INTS3: variants seen among roughly 807,000 people sequenced by gnomAD.
INTS3 encodes the protein SOSS complex subunit A.
In INTS3, 34 loss-of-function variants were observed where a neutral mutation model predicts 146.3. The observed-to-expected ratio is 0.23, with a 90% CI of 0.18 to 0.31. The LOEUF (loss-of-function observed/expected upper bound fraction) is 0.31. INTS3 is among the 10% of genes least tolerant of loss of function. The probability of loss-of-function intolerance (pLI) is 1.00; values close to 1 mark genes in which losing one functional copy is unlikely to be tolerated. For synonymous variants in INTS3, 475 were observed against 494.9 expected (o/e 0.96, Z 0.53); for missense variants, 757 against 1,304.2 (o/e 0.58, Z 6.46).
rs1337588175 is a variant in INTS3 at position 153,761,352 on chromosome 1, A to G, written c.1410-218A>G. On this transcript the variant is annotated intron_variant, in intron 13 of 29. Coordinates refer to ENST00000318967, the MANE Select transcript of INTS3 (RefSeq NM_023015.5). ...ATGGCAAAACCCGTGTCTACTAAAA[A>G]TACAAAAATTAGCCAGGTGTGATGG... The G allele has an allele frequency of 7.7e-6, 4 of 518,290 alleles. No individual in the cohort carries two copies. In the African/African-American group the frequency reaches 7.7e-5, roughly 10 times the overall value. The allele number at this position is 518,290 out of a possible 1,614,324, so 32.1% of individuals were successfully genotyped here. A position where few individuals can be genotyped will look rare whatever the true frequency, so the allele number is the denominator to read the frequency against.
intron 8 of INTS3, among the ~76,000 whole-genome samples, 199 bp downstream of exon 8, chr1:153,752,607 C>T (rs1224191473): frequency 6.6e-6 from 1 of 152,110 alleles, no homozygotes; most frequent in Non-Finnish European, 1.5e-5. Flanking sequence ...CCTAGACAGC[C>T]CCTACTTGGC....
chr1:153,770,086 T>C, intron 23 of INTS3, 112 bp from the exon 24 acceptor site: 1 of 423,396 alleles, frequency 2.4e-6, no homozygotes, highest in Non-Finnish European at 4.1e-6. Context: ...TGTGTGTGTG[T>C]GTGTGTGTGT....
Position 153,767,656 on chromosome 1 carries a change from G to A in INTS3, c.2091-18G>A. 6.4e-7 allele frequency: 1 copy of A among 1,560,198 alleles called. No individual in the cohort carries two copies. Among genetic ancestry groups the A allele is most frequent in the Non-Finnish European group, 8.7e-7 (1 of 1,147,114 alleles). ...CACTGGGGTCAGGCTGCTGGCTCAGGCCCAGCTGGTCTTGCAGCAAAGCCG... is the reference window on the plus strand; with the variant it reads ...CACTGGGGTCAGGCTGCTGGCTCAGACCCAGCTGGTCTTGCAGCAAAGCCG... On this transcript the variant is annotated intron_variant, in intron 20 of 29. Coordinates refer to ENST00000318967, the MANE Select transcript of INTS3 (RefSeq NM_023015.5).
chr1:153,732,873 G>A lies in INTS3; in HGVS notation c.150+4089G>A, dbSNP rs1357749483. Among the ~76,000 whole-genome samples the A allele has an allele frequency of 4.0e-5, 6 of 149,860 alleles. No homozygotes were observed. In the East Asian group the frequency reaches 7.8e-4, roughly 20 times the overall value. On this transcript the variant is annotated intron_variant, in intron 1 of 29. Transcript: ENST00000318967. ...GACTGGAGTGCAGTGGCATCATCTCGGCTCACTGCAACCTGCACTTCCCAG... is the reference window on the plus strand; with the variant it reads ...GACTGGAGTGCAGTGGCATCATCTCAGCTCACTGCAACCTGCACTTCCCAG...
chr1:153,759,531 T>C lies in INTS3; in HGVS notation c.1155T>C (p.Asn385=), dbSNP rs1672296844. ...IGWLLTTCTS[N]VAASNAKLAL... Reference sequence around the variant, plus strand: ...TTCTCCCCTCTCTTTTCCAGTCAAATGTCGCTGCCTCCAATGCCAAGCTGG... The same window carrying C: ...TTCTCCCCTCTCTTTTCCAGTCAAACGTCGCTGCCTCCAATGCCAAGCTGG... Residue 385 remains asparagine (N), a synonymous_variant, in exon 11 of 30, where the codon AAT becomes AAC. Transcript: ENST00000318967. The C allele has an allele frequency of 6.2e-7, 1 of 1,611,824 alleles. No individual in the cohort carries two copies. The highest frequency in any genetic ancestry group is 8.5e-7 in the Non-Finnish European group (1 of 1,177,908).
rs1672984156 is a variant in INTS3, at chr1:153,773,272, GC to G, written c.*5del. 1 of 1,613,178 alleles carries G rather than the reference GC, an allele frequency of 6.2e-7. No individual in the cohort carries two copies. Among genetic ancestry groups the G allele is most frequent in the African/African-American group, 1.3e-5 (1 of 74,858 alleles). ...GCAGTGGGCTCTGACAGTGACTGAG[GC>G]CCTGCATTCCCCATCCCACCCCCGG... On this transcript the variant is annotated 3_prime_UTR_variant, in exon 30 of 30. Coordinates refer to ENST00000318967, the MANE Select transcript of INTS3 (RefSeq NM_023015.5).
At chr1:153,750,758 T>C (rs1300164864) in intron 6 of INTS3, 1 of 301,498 alleles carries the variant, frequency 3.3e-6, no homozygotes, top group Non-Finnish European at 6.2e-6. Context: ...GCTTGGCACA[T>C]GATAGGCACT....
At chr1:153,763,937 T>C (rs1486091593) in intron 17 of INTS3, 51 bp downstream of exon 17, 1 of 1,541,652 alleles carries the variant, frequency 6.5e-7, no homozygotes. Context: ...CCTGCTTAGC[T>C]TACACGTCTC....
At chr1:153,761,246 C>A in intron 13 of INTS3, 1 of 527,742 alleles carries the variant, frequency 1.9e-6, no homozygotes, top group Non-Finnish European at 3.2e-6. Flanking sequence ...CACAGTGGCT[C>A]ATGCCTGTAA....
In INTS3 at chr1:153,772,645, G is replaced by A. The variant is rs1308971857; in HGVS notation, c.2828G>A (p.Ser943Asn). ...CTCCCTTTTCTTCCTCTAGTTTTTA[G>A]CCAGACGCCAATTCTCCAGGCGCTG... ...NLTNTKQNFF[S>N]QTPILQALQH... The change falls in exon 28 of 30, where the codon AGC (serine) becomes AAC (asparagine). Residue 943 changes from serine to asparagine, a missense_variant. Around this residue, in one of 8 missense-constraint regions of INTS3, gnomAD observed 125 missense variants for 165.6 expected, o/e 0.75. Coordinates refer to ENST00000318967, the MANE Select transcript of INTS3 (RefSeq NM_023015.5). This position sits in a 1 kb window ranked among gnomAD's most constrained non-coding sequence, Gnocchi z 4.6. 1 of 1,614,160 alleles carries A rather than the reference G, an allele frequency of 6.2e-7. No homozygotes were observed. The highest frequency in any genetic ancestry group is 1.1e-5 in the South Asian group (1 of 91,080).
intron 9 of INTS3, among the ~76,000 whole-genome samples, chr1:153,755,272 T>G (rs1417457893): frequency 6.6e-6 from 1 of 152,138 alleles, no homozygotes; most frequent in Non-Finnish European, 1.5e-5. Flanking sequence ...TTTTGTTTGT[T>G]TGTATTTTGA....
chr1:153,742,217 C>T (rs1342573591), intron 3 of INTS3, among the ~76,000 whole-genome samples: 1 of 152,196 alleles, frequency 6.6e-6, no homozygotes, highest in Admixed American at 6.5e-5. Flanking sequence ...AGTGAGGCAG[C>T]AAGTATTCAC....
At chr1:153,732,564 G>A (rs1005313630) in intron 1 of INTS3, among the ~76,000 whole-genome samples, 3 of 151,790 alleles carry the variant, frequency 2.0e-5, no homozygotes, top group African/African-American at 7.3e-5. Context: ...TCCTGCGTCA[G>A]CCTCCCAAGT....
rs767215071 is a variant in INTS3 at position 153,764,680 on chromosome 1, C to A, written c.1926-10C>A. On this transcript the variant is annotated splice_polypyrimidine_tract_variant and intron_variant, in intron 18 of 29. Transcript: ENST00000318967. ...CACATGGATTCTCAAATATAACCCT[C>A]TTCTTGTAGGTCCCTGGAGGAGTCT... 9 of 1,602,844 alleles carry A rather than the reference C, an allele frequency of 5.6e-6. No individual in the cohort carries two copies. In the Admixed American group the frequency reaches 1.5e-4, roughly 27 times the overall value.
intron 6 of INTS3, 39 bp from the exon 7 acceptor site, chr1:153,751,056 T>C (rs369280410): frequency 2.5e-5 from 40 of 1,609,590 alleles, no homozygotes; most frequent in Middle Eastern, 1.7e-4. Context: ...TGAATAGTTC[T>C]AGACAGAGCA....
intron 13 of INTS3, 181 bp downstream of exon 13, chr1:153,761,099 G>A (rs1257914199): frequency 1.3e-5 from 18 of 1,431,986 alleles, no homozygotes; most frequent in East Asian, 5.0e-5. Flanking sequence ...TCCTGCCATC[G>A]TATTACAAAG....
At position 153,760,397 on chromosome 1, in the gene INTS3, GTTA is replaced by G. The variant is rs1217541128; in HGVS notation, c.1317+8_1317+10del. ...CCTGGACTTCATGTGCCGCGTAAGT[GTTA>G]GAGCTCTCTTTTCTCCCCATGCCTG... is the stretch of plus-strand genomic sequence containing the variant. On this transcript the variant is annotated splice_region_variant and intron_variant, in intron 12 of 29. Transcript: ENST00000318967. The G allele has an allele frequency of 6.2e-7, 1 of 1,611,078 alleles. No individual in the cohort carries two copies. The highest frequency in any genetic ancestry group is 8.5e-7 in the Non-Finnish European group (1 of 1,177,424).
In INTS3 at chr1:153,738,893, CTT is replaced by C. The variant is rs59978263; in HGVS notation, c.151-1742_151-1741del. 3.7e-3 allele frequency among the ~76,000 whole-genome samples: 493 copies of C among 135,012 alleles called. 5 individuals carry two copies. Among genetic ancestry groups the C allele is most frequent in the African/African-American group, 0.013 (456 of 36,336 alleles). The allele number at this position is 135,012 out of a possible 152,430, so 88.6% of individuals were successfully genotyped here. On this transcript the variant is annotated intron_variant, in intron 1 of 29. Transcript: ENST00000318967. ...TTCGATAGATGATAATATTAAGTGT[CTT>C]TTTTTTTTTTTTTTTGAGACAGTGT...
intron 6 of INTS3, among the ~76,000 whole-genome samples, chr1:153,749,166 C>T: frequency 6.6e-6 from 1 of 152,180 alleles, no homozygotes; most frequent in Admixed American, 6.5e-5. Context: ...TGAAGTGGCA[C>T]AGGGGGCAGT....
Sources: allele counts gnomAD v4.1 joint callset (sites outside exome capture counted in the v4.1 genomes callset), GRCh38; gene constraint gnomAD v4.1.1; regional missense constraint gnomAD v4.1.1; non-coding constraint Gnocchi (gnomAD v3.1); transcripts MANE v1.5; gene names NCBI Gene and HGNC (gene_info 2026-07-23, HGNC 2026-07-21).